Variants in NKAIN2 observed in about 807,000 individuals in gnomAD.
NKAIN2 encodes sodium/potassium transporting ATPase interacting 2.
NKAIN2 carries 14 observed loss-of-function variants against 32.6 expected under a neutral mutation model. The observed-to-expected ratio is 0.43, with a 90% CI of 0.28 to 0.67. NKAIN2 has a LOEUF of 0.67. Ranked by LOEUF, NKAIN2 falls within the 30% of genes least tolerant of loss-of-function variation. NKAIN2 has a pLI of 0.17. For synonymous variants in NKAIN2, 80 were observed against 87.2 expected (o/e 0.92, Z 0.46); for missense variants, 198 against 258.3 (o/e 0.77, Z 1.60).
chr6:124,758,668 T>G (rs1778078555), intron 4 of NKAIN2, among the ~76,000 whole-genome samples: 2 of 152,164 alleles, frequency 1.3e-5, no homozygotes, highest in Non-Finnish European at 1.5e-5. Context: ...CACTATCCAT[T>G]CTGCCAGGGA....
At chr6:124,691,526 C>A (rs2114539093) in intron 4 of NKAIN2, among the ~76,000 whole-genome samples, 1 of 152,242 alleles carries the variant, frequency 6.6e-6, no homozygotes, top group Admixed American at 6.5e-5. Context: ...CATTACCGCC[C>A]CCCGCCCCAC....
intron 1 of NKAIN2, among the ~76,000 whole-genome samples, chr6:123,914,057 G>C: frequency 6.6e-6 from 1 of 152,096 alleles, no homozygotes; most frequent in Non-Finnish European, 1.5e-5. Flanking sequence ...CCACAGACTG[G>C]CTGGCTTAAA....
chr6:123,989,527 A>G (rs935713725), intron 1 of NKAIN2, among the ~76,000 whole-genome samples: 2 of 152,220 alleles, frequency 1.3e-5, no homozygotes, highest in African/African-American at 4.8e-5. Flanking sequence ...TTAGTCATCC[A>G]TAGCATGTAT....
At chr6:124,271,818 ATT>A (rs1794806932) in intron 1 of NKAIN2, among the ~76,000 whole-genome samples, 2 of 152,190 alleles carry the variant, frequency 1.3e-5, no homozygotes, top group African/African-American at 4.8e-5. Flanking sequence ...TGAGGAACTT[ATT>A]GGGAACTGGA....
chr6:124,596,373 G>A (rs1782086159), intron 3 of NKAIN2, among the ~76,000 whole-genome samples: 1 of 152,172 alleles, frequency 6.6e-6, no homozygotes, highest in African/African-American at 2.4e-5. Context: ...ACACATGAGA[G>A]GAATACTGTG....
intron 1 of NKAIN2, among the ~76,000 whole-genome samples, chr6:124,035,142 CT>C (rs745575288): frequency 9.9e-5 from 15 of 152,044 alleles, no homozygotes; most frequent in Admixed American, 3.3e-4. Context: ...TGAGCATCCC[CT>C]TCAAGAGATG....
intron 4 of NKAIN2, among the ~76,000 whole-genome samples, chr6:124,703,060 G>C (rs1032337593): frequency 6.6e-6 from 1 of 152,026 alleles, no homozygotes; most frequent in Non-Finnish European, 1.5e-5. Flanking sequence ...ATTACTACTT[G>C]TTTCCATCAT....
At chr6:124,577,090 CA>C in intron 3 of NKAIN2, among the ~76,000 whole-genome samples, 1 of 152,094 alleles carries the variant, frequency 6.6e-6, no homozygotes, top group South Asian at 2.1e-4. Context: ...CAAGTATTTT[CA>C]AAACTCAAAG....
chr6:124,303,349 T>G (rs141415077), intron 2 of NKAIN2, among the ~76,000 whole-genome samples: 1 of 152,150 alleles, frequency 6.6e-6, no homozygotes, highest in Non-Finnish European at 1.5e-5. Flanking sequence ...ATTGGGGAAC[T>G]TATGTAAAGC....
intron 4 of NKAIN2, among the ~76,000 whole-genome samples, chr6:124,730,065 C>T (rs1350942522): frequency 2.1e-5 from 2 of 96,854 alleles, no homozygotes; most frequent in Non-Finnish European, 4.2e-5. Flanking sequence ...AAAGAGAATA[C>T]AAACAAATGG....
chr6:124,569,694 C>T (rs1412736390), intron 3 of NKAIN2, among the ~76,000 whole-genome samples: 4 of 152,182 alleles, frequency 2.6e-5, no homozygotes, highest in Non-Finnish European at 5.9e-5. Flanking sequence ...CCTCCCCAGC[C>T]ATGTAGAACT....
intron 3 of NKAIN2, among the ~76,000 whole-genome samples, chr6:124,479,274 G>A (rs181823038): frequency 5.9e-5 from 9 of 152,198 alleles, no homozygotes; most frequent in Admixed American, 3.9e-4. Context: ...TAATAATCAT[G>A]TATCGATATT....
At chr6:124,206,778 T>C (rs939551629) in intron 1 of NKAIN2, among the ~76,000 whole-genome samples, 4 of 151,844 alleles carry the variant, frequency 2.6e-5, no homozygotes, top group Non-Finnish European at 5.9e-5. Flanking sequence ...CGTATTTCTT[T>C]TGATGGGAAA....
chr6:124,285,187 T>C (rs934045707), intron 2 of NKAIN2, among the ~76,000 whole-genome samples: 1 of 152,190 alleles, frequency 6.6e-6, no homozygotes, highest in Admixed American at 6.5e-5. Flanking sequence ...TGAGACAATG[T>C]CTTTGGAAAT....
chr6:124,407,717 G>C (rs1300257801), intron 3 of NKAIN2, among the ~76,000 whole-genome samples: 1 of 151,838 alleles, frequency 6.6e-6, no homozygotes, highest in Non-Finnish European at 1.5e-5. Flanking sequence ...ACCCAGTAAT[G>C]AGATGGCTGG....
At chr6:123,824,941 A>T (rs1320200019) in intron 1 of NKAIN2, among the ~76,000 whole-genome samples, 1 of 152,044 alleles carries the variant, frequency 6.6e-6, no homozygotes, top group Non-Finnish European at 1.5e-5. Flanking sequence ...AAGGCTTCCA[A>T]TCTGTCTTAA....
intron 3 of NKAIN2, among the ~76,000 whole-genome samples, chr6:124,544,322 A>G (rs1179502437): frequency 6.8e-6 from 1 of 146,110 alleles, no homozygotes; most frequent in African/African-American, 2.6e-5. Context: ...CCACCTCCCA[A>G]CTAGATCTCC....
intron 4 of NKAIN2, among the ~76,000 whole-genome samples, chr6:124,788,632 G>C (rs563255074): frequency 2.2e-4 from 33 of 152,094 alleles, no homozygotes; most frequent in Non-Finnish European, 4.0e-4. Flanking sequence ...CAGATCTTTT[G>C]AGAACTCACA....
intron 2 of NKAIN2, among the ~76,000 whole-genome samples, chr6:124,295,079 T>C (rs1036986999): frequency 1.3e-5 from 2 of 152,182 alleles, no homozygotes; most frequent in African/African-American, 4.8e-5. Flanking sequence ...TACCATATTA[T>C]AGTACAGTAA....
Sources: gnomAD v4.1 joint callset for allele counts (sites outside exome capture counted in the v4.1 genomes callset) on GRCh38, gnomAD v4.1.1 for gene constraint, MANE v1.5 for transcripts, NCBI Gene and HGNC (gene_info 2026-07-23, HGNC 2026-07-21) for gene names.